The following RNF175 variants were observed in gnomAD, a reference collection of about 807,000 sequenced individuals.
The protein encoded by RNF175 is ring finger protein 175.
A neutral mutation model predicts 50.0 loss-of-function variants in RNF175; 38 were observed. The observed-to-expected ratio is 0.76, with a 90% CI of 0.59 to 1.00. The LOEUF is 1.00. Ranked by LOEUF, RNF175 falls within the 50% of genes least tolerant of loss-of-function variation. RNF175 has a pLI of 0.00. For synonymous variants in RNF175, 155 were observed against 146.1 expected, an observed-to-expected ratio of 1.06 and a Z score of -0.44; for missense variants, 388 against 409.6, an observed-to-expected ratio of 0.95 and a Z score of 0.46.
At chr4:153,758,327 C>G (rs1740656459) in intron 1 of RNF175, among the ~76,000 whole-genome samples, 1 of 152,176 alleles carries the variant, frequency 6.6e-6, no homozygotes, top group Non-Finnish European at 1.5e-5. Flanking sequence ...ACTGAGACTG[C>G]ATTTTTAACA....
At chr4:153,715,880 G>T (rs896188199) in intron 6 of RNF175, among the ~76,000 whole-genome samples, 1 of 151,966 alleles carries the variant, frequency 6.6e-6, no homozygotes, top group Admixed American at 6.6e-5. Flanking sequence ...TGGCCAACGG[G>T]GTGAAACCCT....
intron 3 of RNF175, among the ~76,000 whole-genome samples, chr4:153,744,426 GA>G (rs33955605): frequency 0.034 from 4,957 of 146,270 alleles, 188 homozygotes; most frequent in Middle Eastern, 0.11. Context: ...CCATCTCAAA[GA>G]AAAAAAAAAA....
Position 153,723,527 on chromosome 4 carries a change from T to C in RNF175, c.402-69A>G, listed in dbSNP as rs1203812309. On this transcript the variant is annotated intron_variant, in intron 4 of 8. Transcript: ENST00000347063. ...AGAAAAATGGGGAGAAACACAGTAA[T>C]ATTATAAAATATTTTGTCTTTTTCA... is the stretch of plus-strand genomic sequence containing the variant. The C allele has an allele frequency of 1.7e-5, 12 of 691,708 alleles. No homozygotes were observed. The East Asian group carries it at 2.2e-4, about 13-fold the overall frequency. 42.8% of individuals were successfully genotyped at this position (691,708 alleles called of 1,614,324 possible).
Position 153,720,893 on chromosome 4 carries a change from A to G in RNF175, c.510-589T>C, listed in dbSNP as rs573164248. On this transcript the variant is annotated intron_variant, in intron 5 of 8. Coordinates refer to ENST00000347063, the MANE Select transcript of RNF175 (RefSeq NM_173662.4). ...TGTCTGCTGTAGAATTTAGATTTTT[A>G]TAAAATACTTTCTAATGATCTTTCC... Among the ~76,000 whole-genome samples, 5 of 152,320 alleles carry G rather than the reference A, an allele frequency of 3.3e-5. No individual in the cohort carries two copies. In the South Asian group the frequency reaches 1.0e-3, roughly 32 times the overall value.
intron 2 of RNF175, 74 bp from the exon 3 acceptor site, chr4:153,748,860 A>C (rs1579098596): frequency 7.2e-7 from 1 of 1,386,308 alleles, no homozygotes; most frequent in Non-Finnish European, 9.7e-7. Flanking sequence ...CAAAAAACAA[A>C]AAACAAAAAA....
At chr4:153,711,296 C>G (rs1285731600) in intron 8 of RNF175, among the ~76,000 whole-genome samples, 3 of 152,118 alleles carry the variant, frequency 2.0e-5, no homozygotes, top group African/African-American at 4.8e-5. Flanking sequence ...TCATCACACA[C>G]TTTTAGCCTT....
chr4:153,728,865 C>G (rs1738869460), intron 3 of RNF175, among the ~76,000 whole-genome samples: 1 of 152,192 alleles, frequency 6.6e-6, no homozygotes, highest in Admixed American at 6.5e-5. Flanking sequence ...AAGTGGAGGT[C>G]AGAGTTTCAG....
chr4:153,756,054 T>C (rs1305236233), intron 1 of RNF175, among the ~76,000 whole-genome samples: 1 of 152,228 alleles, frequency 6.6e-6, no homozygotes, highest in Non-Finnish European at 1.5e-5. Flanking sequence ...GAATGCTCCA[T>C]GGGTGGTGAT....
At chr4:153,742,553 G>C (rs1172379881) in intron 3 of RNF175, among the ~76,000 whole-genome samples, 3 of 152,058 alleles carry the variant, frequency 2.0e-5, no homozygotes, top group Non-Finnish European at 4.4e-5. Context: ...ACTTACTATG[G>C]ATCAGCCACT....
At chr4:153,741,670 T>C (rs1739665444) in intron 3 of RNF175, among the ~76,000 whole-genome samples, 1 of 152,176 alleles carries the variant, frequency 6.6e-6, no homozygotes, top group South Asian at 2.1e-4. Flanking sequence ...TTTTTCTTGT[T>C]GTAAGATAAA....
chr4:153,745,518 G>A (rs1739922681), intron 3 of RNF175, among the ~76,000 whole-genome samples: 1 of 152,178 alleles, frequency 6.6e-6, no homozygotes, highest in South Asian at 2.1e-4. Flanking sequence ...GTGTGTGCAT[G>A]AACACATTTC....
At chr4:153,738,027 C>T (rs1739439575) in intron 3 of RNF175, among the ~76,000 whole-genome samples, 1 of 152,040 alleles carries the variant, frequency 6.6e-6, no homozygotes, top group Non-Finnish European at 1.5e-5. Flanking sequence ...ATAACTGACC[C>T]CTTTATCATT....
At chr4:153,748,510 A>C in intron 3 of RNF175, 135 bp downstream of exon 3, 1 of 680,242 alleles carries the variant, frequency 1.5e-6, no homozygotes, top group Non-Finnish European at 2.2e-6. Context: ...GTGAAATTGC[A>C]CTTGGTTGAG....
At chr4:153,718,306 T>A (rs769121644) in intron 6 of RNF175, among the ~76,000 whole-genome samples, 8 of 143,178 alleles carry the variant, frequency 5.6e-5, no homozygotes, top group African/African-American at 1.0e-4. Flanking sequence ...TGCTTTGGTG[T>A]GGGGCTTAGG....
intron 6 of RNF175, among the ~76,000 whole-genome samples, chr4:153,716,555 CT>C (rs903570349): frequency 1.6e-4 from 24 of 148,720 alleles, no homozygotes; most frequent in South Asian, 4.3e-4. Context: ...CCCTAGGAAG[CT>C]TTTTTTTTTC....
intron 3 of RNF175, among the ~76,000 whole-genome samples, chr4:153,747,262 G>A (rs1040116599): frequency 3.3e-5 from 5 of 152,178 alleles, no homozygotes; most frequent in African/African-American, 1.2e-4. Flanking sequence ...CAGGCTGTGA[G>A]TTTTCCAAAT....
At chr4:153,753,491 G>T (rs1196246169) in intron 1 of RNF175, among the ~76,000 whole-genome samples, 18 of 151,942 alleles carry the variant, frequency 1.2e-4, no homozygotes. Context: ...TGCTTTAGAG[G>T]ACCCTGGACA....
chr4:153,741,844 C>T (rs969490065), intron 3 of RNF175, among the ~76,000 whole-genome samples: 3 of 152,118 alleles, frequency 2.0e-5, no homozygotes, highest in African/African-American at 7.2e-5. Context: ...CTTTCACCAT[C>T]CTGCCACATT....
intron 8 of RNF175, 50 bp downstream of exon 8, chr4:153,712,425 C>G: frequency 1.8e-6 from 2 of 1,138,526 alleles, no homozygotes; most frequent in Non-Finnish European, 2.6e-6. Context: ...GAATATATCC[C>G]CAGAAACATT....
Sources: allele counts gnomAD v4.1 joint callset (sites outside exome capture counted in the v4.1 genomes callset), GRCh38; gene constraint gnomAD v4.1.1; transcripts MANE v1.5; gene names NCBI Gene and HGNC (gene_info 2026-07-23, HGNC 2026-07-21).